Variants in GRID2 observed in about 807,000 individuals in gnomAD.
The protein encoded by GRID2 is glutamate receptor ionotropic, delta-2.
Under a neutral mutation model 114.8 loss-of-function variants are expected in GRID2, and 33 were observed. The observed-to-expected ratio is 0.29, with a 90% confidence interval of 0.22 to 0.38. The LOEUF (loss-of-function observed/expected upper bound fraction) is 0.38. Among genes scored for constraint, GRID2 ranks in the 10% least tolerant of loss-of-function variants. The pLI is 1.00. For missense variants in GRID2, 1,184 were observed against 1,257.7 expected, an observed-to-expected ratio of 0.94 and a Z score of 0.89; for synonymous variants, 505 against 449.9, an observed-to-expected ratio of 1.12 and a Z score of -1.55.
intron 9 of GRID2, among the ~76,000 whole-genome samples, chr4:93,403,603 T>C (rs1335634107): frequency 2.6e-5 from 4 of 152,120 alleles, no homozygotes; most frequent in Non-Finnish European, 5.9e-5. Context: ...TTTATATAAA[T>C]GGTCAGTAAG....
chr4:93,786,288 C>T (rs1405975374), intron 1 of GRID2, among the ~76,000 whole-genome samples: 1 of 152,110 alleles, frequency 6.6e-6, no homozygotes, highest in African/African-American at 2.4e-5. Flanking sequence ...ACACTGCTCT[C>T]CCAAGGAATA....
chr4:92,933,659 T>G (rs2149523954), intron 2 of GRID2, among the ~76,000 whole-genome samples: 1 of 151,642 alleles, frequency 6.6e-6, no homozygotes, highest in East Asian at 1.9e-4. Context: ...GTTCCATAAC[T>G]TTTCCCTCCA....
chr4:93,546,009 A>G (rs1733177139), intron 13 of GRID2, among the ~76,000 whole-genome samples: 1 of 152,202 alleles, frequency 6.6e-6, no homozygotes, highest in African/African-American at 2.4e-5. Context: ...TGTGGTTACA[A>G]ATTTCCAAAT....
intron 1 of GRID2, among the ~76,000 whole-genome samples, chr4:92,563,687 G>C (rs974911200): frequency 2.6e-5 from 4 of 152,046 alleles, no homozygotes; most frequent in African/African-American, 7.2e-5. Context: ...AGGGAAGCCA[G>C]TCAACTCAGA....
intron 3 of GRID2, among the ~76,000 whole-genome samples, chr4:93,088,331 A>G (rs772161626): frequency 6.6e-6 from 1 of 152,192 alleles, no homozygotes; most frequent in Non-Finnish European, 1.5e-5. Flanking sequence ...TTTTAAAAAT[A>G]TGTCCTTCTG....
At chr4:92,958,324 T>A (rs1752564936) in intron 2 of GRID2, among the ~76,000 whole-genome samples, 1 of 152,066 alleles carries the variant, frequency 6.6e-6, no homozygotes. Flanking sequence ...CTATTCTTAG[T>A]TGACTGAGAG....
At chr4:92,786,131 C>A (rs369021045) in intron 2 of GRID2, among the ~76,000 whole-genome samples, 1 of 151,836 alleles carries the variant, frequency 6.6e-6, no homozygotes, top group Non-Finnish European at 1.5e-5. Context: ...GTCTTGAATT[C>A]ATGCTTTTCT....
intron 2 of GRID2, among the ~76,000 whole-genome samples, chr4:92,593,163 C>T (rs181252015): frequency 6.6e-6 from 1 of 152,092 alleles, no homozygotes; most frequent in Non-Finnish European, 1.5e-5. Flanking sequence ...ATCCCTCTGC[C>T]TGTTTATTCA....
intron 10 of GRID2, among the ~76,000 whole-genome samples, chr4:93,440,941 A>G (rs1721566566): frequency 6.6e-6 from 1 of 152,092 alleles, no homozygotes; most frequent in Non-Finnish European, 1.5e-5. Flanking sequence ...CAGAGAGTGA[A>G]CATTTGCCAA....
At chr4:92,825,873 G>A (rs1364799873) in intron 2 of GRID2, among the ~76,000 whole-genome samples, 2 of 152,076 alleles carry the variant, frequency 1.3e-5, no homozygotes, top group African/African-American at 4.8e-5. Context: ...ATTTTCTGGA[G>A]CCCATGTTAG....
chr4:93,117,628 C>T (rs1404590691), intron 4 of GRID2, among the ~76,000 whole-genome samples: 10 of 150,960 alleles, frequency 6.6e-5, no homozygotes, highest in Admixed American at 6.6e-4. Context: ...GTTCTTTTCT[C>T]TATCTATTTA....
intron 1 of GRID2, among the ~76,000 whole-genome samples, chr4:92,379,647 G>C (rs571026644): frequency 6.6e-6 from 1 of 151,694 alleles, no homozygotes; most frequent in South Asian, 2.1e-4. Context: ...TTAAATACAG[G>C]CTCTGAAAAA....
chr4:93,069,218 T>G (rs1728589698), intron 2 of GRID2, among the ~76,000 whole-genome samples: 1 of 151,588 alleles, frequency 6.6e-6, no homozygotes, highest in Non-Finnish European at 1.5e-5. Context: ...CCAAACTATA[T>G]CAATCCATGT....
chr4:93,795,188 AT>A (rs1174877880), intron 1 of GRID2, among the ~76,000 whole-genome samples: 2 of 152,118 alleles, frequency 1.3e-5, no homozygotes, highest in African/African-American at 4.8e-5. Flanking sequence ...ATTTCTTTTC[AT>A]AATACATTAT....
chr4:93,437,821 T>C (rs1406559967), intron 10 of GRID2, among the ~76,000 whole-genome samples: 1 of 152,118 alleles, frequency 6.6e-6, no homozygotes, highest in Non-Finnish European at 1.5e-5. Flanking sequence ...CCATAAGGCT[T>C]TCAAACTACT....
intron 11 of GRID2, among the ~76,000 whole-genome samples, chr4:93,456,486 C>T (rs969035373): frequency 2.6e-5 from 4 of 152,118 alleles, no homozygotes; most frequent in African/African-American, 9.7e-5. Context: ...GATATGTAAT[C>T]TTTACTGGTG....
At chr4:92,751,453 A>G (rs1025558225) in intron 2 of GRID2, among the ~76,000 whole-genome samples, 2 of 151,952 alleles carry the variant, frequency 1.3e-5, no homozygotes, top group African/African-American at 2.4e-5. Context: ...TAATACAGTT[A>G]AAGAAATTAG....
rs192298646 is a variant in GRID2, at chr4:92,320,084, A to G, written c.88+15340A>G. ...ACAGAAAATTCAATACAGGAAACCA[A>G]GAAAGAGAAACCATTTCGGGAGAGA... On this transcript the variant is annotated intron_variant, in intron 1 of 15. Coordinates refer to ENST00000282020, the MANE Select transcript of GRID2 (RefSeq NM_001510.4). 3.2e-4 allele frequency among the ~76,000 whole-genome samples: 48 copies of G among 152,298 alleles called. No homozygotes were observed. The East Asian group carries it at 7.0e-3, about 22-fold the overall frequency.
intron 10 of GRID2, among the ~76,000 whole-genome samples, chr4:93,443,900 TGA>T (rs35019748): frequency 6.6e-6 from 1 of 150,698 alleles, no homozygotes; most frequent in Non-Finnish European, 1.5e-5. Flanking sequence ...GCAAGTAAGT[TGA>T]GAGAGAGAGA....
Sources: gnomAD v4.1 joint callset for allele counts (sites outside exome capture counted in the v4.1 genomes callset) on GRCh38, gnomAD v4.1.1 for gene constraint, MANE v1.5 for transcripts, NCBI Gene and HGNC (gene_info 2026-07-23, HGNC 2026-07-21) for gene names.